NFIC: variants seen among roughly 807,000 people sequenced by gnomAD.
The protein encoded by NFIC is nuclear factor I C.
A neutral mutation model predicts 54.4 loss-of-function variants in NFIC; 12 were observed. That is an observed-to-expected ratio of 0.22 (90% CI 0.14 to 0.36). The LOEUF is 0.36. NFIC is among the 10% of genes least tolerant of loss of function. The pLI is 1.00. For synonymous variants in NFIC, 322 were observed against 319.2 expected (o/e 1.01, Z -0.09); for missense variants, 575 against 718.2 (o/e 0.80, Z 2.28).
rs144705413 is a variant in NFIC at position 3,385,881 on chromosome 19, G to A, written c.562+3638G>A. ...GCCACTGCAACTGGCCTTGTTTTTTGTTTTTTGCAGAGATGGGGTATCACT... is the reference window on the plus strand; with the variant it reads ...GCCACTGCAACTGGCCTTGTTTTTTATTTTTTGCAGAGATGGGGTATCACT... On this transcript the variant is annotated intron_variant, in intron 2 of 10. Transcript: ENST00000443272. Among the ~76,000 whole-genome samples the A allele has an allele frequency of 1.0e-4, 15 of 150,696 alleles. No homozygotes were observed. The East Asian group carries it at 2.0e-3, about 20-fold the overall frequency.
At chr19:3,374,377 A>C (rs957285702) in intron 1 of NFIC, among the ~76,000 whole-genome samples, 1 of 152,210 alleles carries the variant, frequency 6.6e-6, no homozygotes, top group Non-Finnish European at 1.5e-5. Context: ...TGCAAGGAAC[A>C]AGGTCACCAG....
chr19:3,460,294 G>T (rs940017949), intron 10 of NFIC, among the ~76,000 whole-genome samples: 7 of 152,292 alleles, frequency 4.6e-5, no homozygotes, highest in African/African-American at 1.7e-4. Context: ...AGGCGAGGGG[G>T]TTGGCCCTGG....
chr19:3,394,910 G>A (rs550933165), intron 2 of NFIC, among the ~76,000 whole-genome samples: 10 of 152,074 alleles, frequency 6.6e-5, no homozygotes, highest in East Asian at 5.8e-4. Flanking sequence ...CACTCACCCC[G>A]TCCCTGGAAA....
Position 3,383,634 on chromosome 19 carries a change from C to T in NFIC, c.562+1391C>T, listed in dbSNP as rs539269077. ...GCATCCCAAGACCTGAGTGGGTGCACAGCACACCCCTGCCATGCCCATCCA... is the reference window on the plus strand; with the variant it reads ...GCATCCCAAGACCTGAGTGGGTGCATAGCACACCCCTGCCATGCCCATCCA... On this transcript the variant is annotated intron_variant, in intron 2 of 10. Coordinates refer to ENST00000443272, the MANE Select transcript of NFIC (RefSeq NM_001245002.2). 7.9e-5 allele frequency among the ~76,000 whole-genome samples: 12 copies of T among 152,294 alleles called. No individual in the cohort carries two copies. The South Asian group carries it at 1.7e-3, about 21-fold the overall frequency.
At chr19:3,434,021 T>A (rs1313752652) in intron 4 of NFIC, among the ~76,000 whole-genome samples, 1 of 152,094 alleles carries the variant, frequency 6.6e-6, no homozygotes, top group Non-Finnish European at 1.5e-5. Flanking sequence ...ACTGACACCT[T>A]CCCTGTCCAG....
At chr19:3,442,276 C>A (rs1377025418) in intron 6 of NFIC, among the ~76,000 whole-genome samples, 1 of 152,220 alleles carries the variant, frequency 6.6e-6, no homozygotes, top group East Asian at 1.9e-4. Flanking sequence ...TGTGTAGCTC[C>A]CCCTTGAAGG....
intron 2 of NFIC, among the ~76,000 whole-genome samples, chr19:3,414,690 A>T (rs12979645): frequency 0.18 from 27,211 of 151,854 alleles, 3,285 homozygotes; most frequent in East Asian, 0.47. Context: ...AGAATAGGCA[A>T]CCCCTTCTAG....
intron 6 of NFIC, among the ~76,000 whole-genome samples, chr19:3,444,969 A>G (rs2082351552): frequency 6.6e-6 from 1 of 152,168 alleles, no homozygotes; most frequent in Non-Finnish European, 1.5e-5. Context: ...ACATACATGC[A>G]TATATTCACG....
intron 2 of NFIC, among the ~76,000 whole-genome samples, chr19:3,418,377 A>G (rs1401633649): frequency 1.3e-5 from 2 of 152,216 alleles, no homozygotes; most frequent in Non-Finnish European, 2.9e-5. Context: ...GATTACAGGC[A>G]TGTGCCACCA....
chr19:3,388,086 T>C (rs1163324249), intron 2 of NFIC, among the ~76,000 whole-genome samples: 2 of 152,142 alleles, frequency 1.3e-5, no homozygotes, highest in Admixed American at 6.5e-5. Context: ...GACGCCGCCA[T>C]GGGCCAGCCT....
chr19:3,386,262 T>C (rs1467471547), intron 2 of NFIC, among the ~76,000 whole-genome samples: 2 of 149,942 alleles, frequency 1.3e-5, no homozygotes, highest in Non-Finnish European at 3.0e-5. Flanking sequence ...TGGCTGAAAA[T>C]TCTTTCCCAT....
At position 3,463,295 on chromosome 19, in the gene NFIC, G is replaced by A. The variant is rs1312100981; in HGVS notation, c.*526G>A. 1 of 988,722 alleles carries A rather than the reference G, an allele frequency of 1.0e-6. No individual in the cohort carries two copies. The highest frequency in any genetic ancestry group is 1.2e-6 in the Non-Finnish European group (1 of 832,518). 61.2% of individuals were successfully genotyped at this position (988,722 alleles called of 1,614,324 possible). A position where few individuals can be genotyped will look rare whatever the true frequency, so the allele number is the denominator to read the frequency against. On this transcript the variant is annotated 3_prime_UTR_variant, in exon 11 of 11. Coordinates refer to ENST00000443272, the MANE Select transcript of NFIC (RefSeq NM_001245002.2). ...GGGCCCCCGCGCCTCTGCCGGACAC[G>A]GACCGGCCCCTCAGCCCCCACCGAG...
upstream of NFIC, among the ~76,000 whole-genome samples, chr19:3,366,045 C>T (rs563301394): frequency 7.4e-5 from 11 of 148,750 alleles, no homozygotes; most frequent in South Asian, 4.5e-4. Context: ...TTCCCTCCCC[C>T]CTGGCTCTTT....
chr19:3,393,170 C>G (rs1220122199), intron 2 of NFIC, among the ~76,000 whole-genome samples: 1 of 151,990 alleles, frequency 6.6e-6, no homozygotes, highest in Admixed American at 6.6e-5. Context: ...CGTGATCCAC[C>G]CACCTCGGCC....
At chr19:3,362,409 CTGTGTGTGTG>C (rs35259047), upstream of NFIC, among the ~76,000 whole-genome samples, 1 of 149,154 alleles carries the variant, frequency 6.7e-6, no homozygotes, top group African/African-American at 2.5e-5. Flanking sequence ...CCATGTGGGT[CTGTGTGTGTG>C]TGTGTGTGTC....
intron 7 of NFIC, 89 bp downstream of exon 7, chr19:3,449,228 C>T: frequency 1.3e-6 from 2 of 1,512,970 alleles, no homozygotes; most frequent in Non-Finnish European, 1.8e-6. Flanking sequence ...GATGTCTGAC[C>T]ATGAGTCCTA....
At chr19:3,442,990 G>A (rs1214441214) in intron 6 of NFIC, among the ~76,000 whole-genome samples, 2 of 152,380 alleles carry the variant, frequency 1.3e-5, no homozygotes, top group Non-Finnish European at 2.9e-5. Context: ...ATCTGTGGTT[G>A]TCACAACTGG....
In NFIC at chr19:3,463,617, C is replaced by T; in HGVS notation, c.*848C>T. The T allele has an allele frequency of 1.0e-6, 1 of 966,500 alleles. No homozygotes were observed. The highest frequency in any genetic ancestry group is 1.2e-6 in the Non-Finnish European group (1 of 813,164). 59.9% of individuals were successfully genotyped at this position (966,500 alleles called of 1,614,324 possible). A position where few individuals can be genotyped will look rare whatever the true frequency, so the allele number is the denominator to read the frequency against. ...AGGAGAAGTCTCTATGCAATTGGCCCCGGCCCCTCCACCCCCCACCCCCGG... is the reference window on the plus strand; with the variant it reads ...AGGAGAAGTCTCTATGCAATTGGCCTCGGCCCCTCCACCCCCCACCCCCGG... On this transcript the variant is annotated 3_prime_UTR_variant, in exon 11 of 11. Coordinates refer to ENST00000443272, the MANE Select transcript of NFIC (RefSeq NM_001245002.2).
At chr19:3,377,227 A>G (rs1599569366) in intron 1 of NFIC, among the ~76,000 whole-genome samples, 1 of 148,244 alleles carries the variant, frequency 6.7e-6, no homozygotes, top group Non-Finnish European at 1.5e-5. Flanking sequence ...CCAGCTATTC[A>G]GGAGGCTGAG....
Sources: gnomAD v4.1 joint callset for allele counts (sites outside exome capture counted in the v4.1 genomes callset) on GRCh38, gnomAD v4.1.1 for gene constraint, MANE v1.5 for transcripts, NCBI Gene and HGNC (gene_info 2026-07-23, HGNC 2026-07-21) for gene names.